Variants in CSMD2 observed in about 807,000 individuals in gnomAD.
CSMD2 encodes CUB and sushi domain-containing protein 2.
CSMD2 carries 130 observed loss-of-function variants against 398.5 expected under a neutral mutation model. The ratio of observed to expected loss-of-function variants is 0.33; its 90% CI spans 0.28 to 0.38. The LOEUF is 0.38. CSMD2 is among the 10% of genes least tolerant of loss of function. The pLI is 1.00. For missense variants in CSMD2, 3,829 were observed against 4,764.9 expected (o/e 0.80, Z 5.78); for synonymous variants, 1,828 against 1,908.5 (o/e 0.96, Z 1.10).
intron 5 of CSMD2, among the ~76,000 whole-genome samples, chr1:33,910,406 T>A (rs1278527466): frequency 6.6e-6 from 1 of 152,158 alleles, no homozygotes; most frequent in Non-Finnish European, 1.5e-5. Context: ...TCAAAAATCA[T>A]CCTGTGGGAC....
chr1:34,014,758 A>G (rs1254733432), intron 3 of CSMD2, among the ~76,000 whole-genome samples: 1 of 152,238 alleles, frequency 6.6e-6, no homozygotes, highest in Non-Finnish European at 1.5e-5. Flanking sequence ...AGGCATATGA[A>G]TGGATGGATG....
In CSMD2 at chr1:33,792,991, G is replaced by A. The variant is rs1382466199; in HGVS notation, c.1447-465C>T. On this transcript the variant is annotated intron_variant, in intron 10 of 70. Transcript: ENST00000373381. ...TTGTTTATTTGTTGAATAAATGAATGTTCTCAGAAAGAGATTTCAACAAGA... is the reference window on the plus strand; with the variant it reads ...TTGTTTATTTGTTGAATAAATGAATATTCTCAGAAAGAGATTTCAACAAGA... 5.3e-5 allele frequency among the ~76,000 whole-genome samples: 8 copies of A among 152,172 alleles called. No individual in the cohort carries two copies. The East Asian group carries it at 5.8e-4, about 11-fold the overall frequency.
At chr1:33,910,085 T>G (rs75331112) in intron 5 of CSMD2, among the ~76,000 whole-genome samples, 1,908 of 151,412 alleles carry the variant, frequency 0.013, 41 homozygotes, top group African/African-American at 0.043. Flanking sequence ...TTCTCTTGCC[T>G]GCAGAGTCAC....
At chr1:33,883,089 T>C (rs913669181) in intron 5 of CSMD2, among the ~76,000 whole-genome samples, 5 of 152,218 alleles carry the variant, frequency 3.3e-5, no homozygotes, top group Admixed American at 1.3e-4. Flanking sequence ...TCCATTTTAT[T>C]ACAAAGATCT....
intron 5 of CSMD2, among the ~76,000 whole-genome samples, chr1:33,912,700 C>A (rs1052096824): frequency 6.6e-6 from 1 of 152,160 alleles, no homozygotes; most frequent in Non-Finnish European, 1.5e-5. Flanking sequence ...ACTCTGTGAG[C>A]ACCCCAGTAC....
intron 2 of CSMD2, among the ~76,000 whole-genome samples, chr1:34,081,677 C>T (rs1657156095): frequency 6.6e-6 from 1 of 152,344 alleles, no homozygotes; most frequent in Non-Finnish European, 1.5e-5. Flanking sequence ...GCCTCGGCCT[C>T]CCGAGGTGCC....
chr1:33,725,714 A>G (rs547047068), intron 16 of CSMD2, among the ~76,000 whole-genome samples, 178 bp from the exon 17 acceptor site: 1 of 152,232 alleles, frequency 6.6e-6, no homozygotes, highest in Admixed American at 6.5e-5. Context: ...CACTCTATTT[A>G]ACATCCCTCC....
At chr1:33,691,255 G>A (rs2149094221) in intron 25 of CSMD2, among the ~76,000 whole-genome samples, 1 of 152,278 alleles carries the variant, frequency 6.6e-6, no homozygotes, top group South Asian at 2.1e-4. Context: ...AAAATGTTTA[G>A]CTTTTATTCT....
intron 56 of CSMD2, among the ~76,000 whole-genome samples, chr1:33,547,361 AGAG>A (rs1304624640): frequency 1.3e-5 from 2 of 152,254 alleles, no homozygotes; most frequent in African/African-American, 2.4e-5. Flanking sequence ...ACATGAGGAA[AGAG>A]GAGAACAATT....
At position 33,716,468 on chromosome 1, in the gene CSMD2, T is replaced by C. The variant is rs763522005; in HGVS notation, c.3035A>G (p.Glu1012Gly). The C allele has an allele frequency of 6.2e-7, 1 of 1,613,592 alleles. No homozygotes were observed. Among genetic ancestry groups the C allele is most frequent in the African/African-American group, 1.3e-5 (1 of 74,860 alleles). The change falls in exon 20 of 71, where the codon GAA (glutamate) becomes GGA (glycine). Residue 1012 changes from glutamate (E) to glycine (G), a missense_variant. Around this residue, in one of 5 missense-constraint regions of CSMD2, gnomAD observed 2,001 missense variants for 2,567.1 expected, o/e 0.78. Transcript: ENST00000373381. The stretch of plus-strand genomic sequence containing the variant: ...GATGAGGAGGTAGTCATGGCCACTT[T>C]CCAGGTGGAAGGTGTGGAAAGTGAA... ...VFFTFHTFHL[E>G]SGHDYLLITE... is the part of the protein sequence containing the mutation.
chr1:33,885,966 T>C (rs748722358), intron 5 of CSMD2, among the ~76,000 whole-genome samples: 47 of 152,070 alleles, frequency 3.1e-4, no homozygotes, highest in Non-Finnish European at 4.3e-4. Context: ...ACCAGCCTCA[T>C]AGGGTTATTA....
At chr1:33,832,483 TG>T (rs1313868806) in intron 6 of CSMD2, among the ~76,000 whole-genome samples, 2 of 145,564 alleles carry the variant, frequency 1.4e-5, no homozygotes, top group Non-Finnish European at 3.0e-5. Context: ...CCAGAATCTC[TG>T]GGACACATTC....
At chr1:33,724,433 G>A in intron 18 of CSMD2, 83 bp downstream of exon 18, 1 of 1,542,026 alleles carries the variant, frequency 6.5e-7, no homozygotes, top group Non-Finnish European at 8.9e-7. Context: ...TGGGGTGAGG[G>A]AGTCAGTGGT....
At chr1:33,661,889 G>T (rs947169433) in intron 26 of CSMD2, among the ~76,000 whole-genome samples, 1 of 152,138 alleles carries the variant, frequency 6.6e-6, no homozygotes, top group Non-Finnish European at 1.5e-5. Context: ...CACGGCACAG[G>T]TGCCACAAGA....
In CSMD2 at chr1:33,742,452, A is replaced by T. The variant is rs545068454; in HGVS notation, c.2173+828T>A. Among the ~76,000 whole-genome samples the T allele has an allele frequency of 3.3e-5, 5 of 152,158 alleles. No individual in the cohort carries two copies. In the South Asian group the frequency reaches 8.3e-4, roughly 25 times the overall value. ...AGGATCTAGTTAATTGCTCAGATGGACCCACCTCCAGCCTCACTTGACTGT... is the reference window on the plus strand; with the variant it reads ...AGGATCTAGTTAATTGCTCAGATGGTCCCACCTCCAGCCTCACTTGACTGT... On this transcript the variant is annotated intron_variant, in intron 14 of 70. Transcript: ENST00000373381.
At position 33,846,119 on chromosome 1, in the gene CSMD2, C is replaced by T. The variant is rs574154988; in HGVS notation, c.1033+765G>A. ...AATGTCGAAAAGGAATGTGCTCATC[C>T]GCTCCCATCTATCAGCTGGATTTTT... On this transcript the variant is annotated intron_variant, in intron 6 of 70. Coordinates refer to ENST00000373381, the MANE Select transcript of CSMD2 (RefSeq NM_001281956.2). Among the ~76,000 whole-genome samples the T allele has an allele frequency of 7.2e-5, 11 of 152,340 alleles. No homozygotes were observed. In the South Asian group the frequency reaches 1.0e-3, roughly 14 times the overall value.
chr1:33,896,391 G>A (rs922984699), intron 5 of CSMD2, among the ~76,000 whole-genome samples: 3 of 152,118 alleles, frequency 2.0e-5, no homozygotes, highest in African/African-American at 7.2e-5. Flanking sequence ...TGAAGCTTGA[G>A]GACATCACCT....
At chr1:33,546,896 T>C (rs546279461) in intron 56 of CSMD2, among the ~76,000 whole-genome samples, 9 of 152,328 alleles carry the variant, frequency 5.9e-5, no homozygotes, top group Non-Finnish European at 4.4e-5. Context: ...AAAAGTTTCA[T>C]TTTATCTTTA....
intron 15 of CSMD2, among the ~76,000 whole-genome samples, chr1:33,730,839 C>A (rs964785394): frequency 1.3e-5 from 2 of 152,016 alleles, no homozygotes; most frequent in Non-Finnish European, 1.5e-5. Context: ...ATGAAATAAA[C>A]CCATGACGAA....
Sources: gnomAD v4.1 joint callset for allele counts (sites outside exome capture counted in the v4.1 genomes callset) on GRCh38, gnomAD v4.1.1 for gene constraint, gnomAD v4.1.1 regional missense constraint, MANE v1.5 for transcripts, NCBI Gene and HGNC (gene_info 2026-07-23, HGNC 2026-07-21) for gene names.